The following VPS37A variants were observed in gnomAD, a reference collection of about 807,000 sequenced individuals.
The protein encoded by VPS37A is VPS37A subunit of ESCRT-I, also known as vacuolar protein sorting-associated protein 37A.
Under a neutral mutation model 49.8 loss-of-function variants are expected in VPS37A, and 30 were observed. The ratio of observed to expected loss-of-function variants is 0.60; its 90% CI spans 0.45 to 0.82. VPS37A has a LOEUF of 0.82. VPS37A is among the 40% of genes least tolerant of loss of function. The pLI is 0.00. For missense variants in VPS37A, 593 were observed against 464.4 expected (o/e 1.28, Z -2.55); for synonymous variants, 195 against 160.6 (o/e 1.21, Z -1.62).
downstream of VPS37A, chr8:17,301,955 G>A (rs1817145996): frequency 1.7e-6 from 1 of 574,744 alleles, no homozygotes; most frequent in Admixed American, 3.7e-5. Flanking sequence ...CCACAAACCA[G>A]ATGTGTGAAA....
At chr8:17,249,648 A>G (rs1811788118) in intron 1 of VPS37A, among the ~76,000 whole-genome samples, 1 of 152,206 alleles carries the variant, frequency 6.6e-6, no homozygotes, top group Admixed American at 6.5e-5. Flanking sequence ...AATGACATAT[A>G]TTTGTAAGCT....
intron 1 of VPS37A, among the ~76,000 whole-genome samples, chr8:17,250,505 CAT>C (rs1279644892): frequency 6.6e-6 from 1 of 152,134 alleles, no homozygotes; most frequent in East Asian, 1.9e-4. Flanking sequence ...CCATCTCCCT[CAT>C]GTTTCGTTTT....
chr8:17,276,463 C>G lies in VPS37A; in HGVS notation c.709C>G (p.Leu237Val). The G allele has an allele frequency of 6.2e-7, 1 of 1,609,284 alleles. No individual in the cohort carries two copies. Among genetic ancestry groups the G allele is most frequent in the Non-Finnish European group, 8.5e-7 (1 of 1,177,906 alleles). Residue 237 changes from leucine (L) to valine (V), a missense_variant, in exon 6 of 12, where the codon CTA becomes GTA. Leu to Val is a conservative substitution (Grantham distance 32). Coordinates refer to ENST00000324849, the MANE Select transcript of VPS37A (RefSeq NM_152415.3). ...VPDAFPELSE[L>V]SVSQLTDMNE... ...TGATGCATTTCCAGAACTCTCAGAA[C>G]TAAGGTAAACCTGGAAAGTAAAGTT...
chr8:17,333,163 A>C, the VPS37A span, among the ~76,000 whole-genome samples: 1 of 152,184 alleles, frequency 6.6e-6, no homozygotes, highest in Non-Finnish European at 1.5e-5. Flanking sequence ...GCCCCTCAGG[A>C]CACTGTTCCC....
chr8:17,252,041 C>G (rs1017831026), intron 1 of VPS37A, among the ~76,000 whole-genome samples: 2 of 152,178 alleles, frequency 1.3e-5, no homozygotes, highest in Admixed American at 6.5e-5. Context: ...CTTGGTAACA[C>G]AAGAGATATT....
the VPS37A span, among the ~76,000 whole-genome samples, chr8:17,333,278 T>C: frequency 1.3e-5 from 2 of 152,208 alleles, no homozygotes; most frequent in East Asian, 3.8e-4. Flanking sequence ...AGACAACTTA[T>C]GTTCACACTT....
At chr8:17,262,387 G>C (rs1468328880) in intron 1 of VPS37A, among the ~76,000 whole-genome samples, 1 of 152,136 alleles carries the variant, frequency 6.6e-6, no homozygotes, top group Non-Finnish European at 1.5e-5. Flanking sequence ...GAGGATGCCA[G>C]TTAATCTATA....
At chr8:17,270,769 A>G (rs1243330142) in intron 4 of VPS37A, among the ~76,000 whole-genome samples, 3 of 152,108 alleles carry the variant, frequency 2.0e-5, no homozygotes, top group Admixed American at 6.5e-5. Flanking sequence ...CCTCTTTCCT[A>G]TAGGTGAATA....
intron 1 of VPS37A, among the ~76,000 whole-genome samples, chr8:17,252,141 C>A (rs1313393314): frequency 1.3e-5 from 2 of 152,128 alleles, no homozygotes; most frequent in African/African-American, 4.8e-5. Flanking sequence ...TCAAAATTTG[C>A]AATTTTTGTA....
intron 6 of VPS37A, chr8:17,279,665 C>T (rs926705545): frequency 3.3e-5 from 12 of 367,542 alleles, no homozygotes; most frequent in Non-Finnish European, 5.3e-5. Context: ...GAATAAGCTC[C>T]TTAGTTTCAT....
At chr8:17,312,092 G>C in the VPS37A span, among the ~76,000 whole-genome samples, 1 of 152,050 alleles carries the variant, frequency 6.6e-6, no homozygotes, top group Non-Finnish European at 1.5e-5. Flanking sequence ...GTAAGGTTGA[G>C]GAAAGGAAAA....
At chr8:17,260,538 A>C (rs1238027692) in intron 1 of VPS37A, among the ~76,000 whole-genome samples, 5 of 152,064 alleles carry the variant, frequency 3.3e-5, no homozygotes, top group Non-Finnish European at 7.4e-5. Flanking sequence ...TGTGTATTTA[A>C]TTTTACCAGT....
At chr8:17,298,032 T>A (rs367807613), downstream of VPS37A, 10 of 152,096 alleles carry the variant, frequency 6.6e-5, no homozygotes, top group Admixed American at 2.0e-4. Context: ...ATAGATACTT[T>A]GTCATTTTTT....
At chr8:17,270,053 G>T (rs1813830232) in intron 4 of VPS37A, among the ~76,000 whole-genome samples, 1 of 151,900 alleles carries the variant, frequency 6.6e-6, no homozygotes, top group African/African-American at 2.4e-5. Context: ...AGTGGGGGAG[G>T]TACCACACCC....
chr8:17,288,079 TA>T (rs1464110647), intron 11 of VPS37A, among the ~76,000 whole-genome samples: 1 of 152,172 alleles, frequency 6.6e-6, no homozygotes, highest in African/African-American at 2.4e-5. Flanking sequence ...TCCTTAAGGG[TA>T]GGGGCTGATT....
chr8:17,305,849 A>G, downstream of VPS37A: 1 of 1,613,686 alleles, frequency 6.2e-7, no homozygotes, highest in Non-Finnish European at 8.5e-7. Flanking sequence ...AAAACCTCTC[A>G]TTGAACTCAA....
At chr8:17,259,502 G>C (rs895363807) in intron 1 of VPS37A, among the ~76,000 whole-genome samples, 1 of 152,060 alleles carries the variant, frequency 6.6e-6, no homozygotes, top group Non-Finnish European at 1.5e-5. Context: ...GATATGTTCT[G>C]TTCTGGAGAA....
At chr8:17,292,693 G>T (rs1816262014) in intron 11 of VPS37A, among the ~76,000 whole-genome samples, 2 of 152,162 alleles carry the variant, frequency 1.3e-5, no homozygotes, top group African/African-American at 4.8e-5. Context: ...TGTCTGTAAA[G>T]GGTTTTATTT....
At chr8:17,282,485 C>T (rs1020903991) in intron 9 of VPS37A, among the ~76,000 whole-genome samples, 49 of 151,892 alleles carry the variant, frequency 3.2e-4, no homozygotes, top group African/African-American at 1.2e-3. Context: ...AAAAACTCGA[C>T]ATATTTACCT....
Sources: allele counts gnomAD v4.1 joint callset (sites outside exome capture counted in the v4.1 genomes callset), GRCh38; gene constraint gnomAD v4.1.1; transcripts MANE v1.5; gene names NCBI Gene and HGNC (gene_info 2026-07-23, HGNC 2026-07-21).